Variants in HSPA4 observed in about 807,000 individuals in gnomAD.
HSPA4 encodes the protein heat shock 70 kDa protein 4.
Under a neutral mutation model 106.2 loss-of-function variants are expected in HSPA4, and 25 were observed. The observed-to-expected ratio is 0.24, with a 90% CI of 0.17 to 0.33. The LOEUF (loss-of-function observed/expected upper bound fraction) is 0.33, where lower values mean the gene tolerates loss of function less well. Among genes scored for constraint, HSPA4 ranks in the 10% least tolerant of loss-of-function variants. HSPA4 has a pLI of 1.00. For missense variants in HSPA4, 841 were observed against 996.0 expected (o/e 0.84, Z 2.10); for synonymous variants, 332 against 333.6 (o/e 1.00, Z 0.05).
At chr5:133,086,357 G>T (rs527382060) in intron 7 of HSPA4, among the ~76,000 whole-genome samples, 2 of 152,234 alleles carry the variant, frequency 1.3e-5, no homozygotes, top group Non-Finnish European at 2.9e-5. Context: ...TTTTGTTCTT[G>T]TTTGACTTTA....
In HSPA4 at chr5:133,081,251, T is replaced by TTGGCCATGC. The variant is rs1765511653; in HGVS notation, c.908+4357_908+4365dup. 3.3e-5 allele frequency among the ~76,000 whole-genome samples: 5 copies of TTGGCCATGC among 152,354 alleles called. No homozygotes were observed. The South Asian group carries it at 6.2e-4, about 19-fold the overall frequency. The stretch of plus-strand genomic sequence containing the variant: ...TTAGTAGAGATGGGGTTTCGCCATG[T>TTGGCCATGC]TGGCCATGCTGGTCTTGAACTGCTG... On this transcript the variant is annotated intron_variant, in intron 7 of 18. Coordinates refer to ENST00000304858, the MANE Select transcript of HSPA4 (RefSeq NM_002154.4).
intron 13 of HSPA4, among the ~76,000 whole-genome samples, chr5:133,095,486 G>T (rs1230887913): frequency 2.6e-5 from 4 of 152,144 alleles, no homozygotes; most frequent in African/African-American, 9.7e-5. Flanking sequence ...GATGTTAAAT[G>T]AATTCTCATT....
chr5:133,057,355 C>T (rs577006530), intron 1 of HSPA4, among the ~76,000 whole-genome samples: 16 of 148,924 alleles, frequency 1.1e-4, no homozygotes, highest in Admixed American at 2.7e-4. Flanking sequence ...AGTAGTTCTG[C>T]GTACCTTTTT....
intron 7 of HSPA4, among the ~76,000 whole-genome samples, chr5:133,080,299 C>T (rs777641837): frequency 2.0e-5 from 3 of 150,884 alleles, no homozygotes; most frequent in South Asian, 2.1e-4. Context: ...CTTGTAGTAC[C>T]GGCTACTCGG....
intron 8 of HSPA4, among the ~76,000 whole-genome samples, chr5:133,088,159 G>A (rs1297915891): frequency 6.6e-6 from 1 of 152,026 alleles, no homozygotes; most frequent in Non-Finnish European, 1.5e-5. Context: ...GTACATTTGA[G>A]GATTCCTGGC....
At chr5:133,064,876 TA>T in intron 1 of HSPA4, 103 bp from the exon 2 acceptor site, 1 of 987,226 alleles carries the variant, frequency 1.0e-6, no homozygotes, top group South Asian at 1.4e-5. Context: ...TTTGTACCAT[TA>T]AAATATATGG....
chr5:133,084,974 A>C (rs762152817), intron 7 of HSPA4, among the ~76,000 whole-genome samples: 7 of 151,284 alleles, frequency 4.6e-5, no homozygotes, highest in Admixed American at 3.3e-4. Context: ...TGCCTGGCTA[A>C]TTTCTTGTAT....
chr5:133,093,240 A>T (rs959126930), intron 13 of HSPA4, among the ~76,000 whole-genome samples: 1 of 151,844 alleles, frequency 6.6e-6, no homozygotes, highest in Admixed American at 6.6e-5. Context: ...TATTTGAACA[A>T]TTTTTTTAGG....
intron 1 of HSPA4, among the ~76,000 whole-genome samples, chr5:133,059,293 A>C (rs1469747429): frequency 2.1e-5 from 3 of 142,790 alleles, no homozygotes; most frequent in East Asian, 2.2e-4. Flanking sequence ...ACTAAAAATA[A>C]AAAAATTAGC....
chr5:133,053,601 C>T (rs1011799625), intron 1 of HSPA4, among the ~76,000 whole-genome samples: 4 of 152,100 alleles, frequency 2.6e-5, no homozygotes, highest in African/African-American at 7.2e-5. Context: ...CCTCCAGCCT[C>T]GGCCTTCTGG....
Position 133,103,723 on chromosome 5 carries a change from A to G in HSPA4, c.2158-142A>G, listed in dbSNP as rs1765818874. 6 of 663,432 alleles carry G rather than the reference A, an allele frequency of 9.0e-6. No individual in the cohort carries two copies. In the South Asian group the frequency reaches 1.4e-4, roughly 15 times the overall value. The allele number at this position is 663,432 out of a possible 1,614,324, so 41.1% of individuals were successfully genotyped here. Reference sequence around the variant, plus strand: ...ATTGTGGTTAGGTTTCTTTTGAATAATTCTGTTCAGATTGTGAGGCTAAAT... The same window carrying G: ...ATTGTGGTTAGGTTTCTTTTGAATAGTTCTGTTCAGATTGTGAGGCTAAAT... On this transcript the variant is annotated intron_variant, in intron 17 of 18. Transcript: ENST00000304858.
In HSPA4 at chr5:133,092,806, GTTTTTTTTTTTTTTTTTTTT is replaced by G; in HGVS notation, c.1650+30_1650+49del. 6.4e-6 allele frequency: 3 copies of G among 467,632 alleles called. No homozygotes were observed. The highest frequency in any genetic ancestry group is 6.2e-5 in the Admixed American group (1 of 16,102). The allele number at this position is 467,632 out of a possible 1,614,324, so 29.0% of individuals were successfully genotyped here. ...GAAATGGAGGTATGCATTGGGTGGTGTTTTTTTTTTTTTTTTTTTTTTTTTTTTTTTTGAGACAGAGTTTC... is the reference window on the plus strand; with the variant it reads ...GAAATGGAGGTATGCATTGGGTGGTGTTTTTTTTTTTTGAGACAGAGTTTC... On this transcript the variant is annotated intron_variant, in intron 13 of 18. Transcript: ENST00000304858.
intron 1 of HSPA4, among the ~76,000 whole-genome samples, chr5:133,053,291 A>G (rs982362903): frequency 1.0e-4 from 15 of 150,000 alleles, no homozygotes; most frequent in Admixed American, 9.3e-4. Context: ...AAATCTTGTA[A>G]GAAGTTCTGT....
At chr5:133,052,466 C>T (rs1343112031) in intron 1 of HSPA4, 109 bp downstream of exon 1, 1 of 740,834 alleles carries the variant, frequency 1.3e-6, no homozygotes, top group Non-Finnish European at 2.1e-6. Flanking sequence ...CGCCTCCGTT[C>T]CGAGCCGAGG....
intron 17 of HSPA4, among the ~76,000 whole-genome samples, chr5:133,102,227 G>A (rs975722610): frequency 3.9e-5 from 6 of 152,102 alleles, no homozygotes; most frequent in Non-Finnish European, 7.4e-5. Flanking sequence ...CACTGCTCCC[G>A]GCCGTAAAGT....
rs575586851 is a variant in HSPA4 at position 133,062,977 on chromosome 5, TACTC to T, written c.108-2002_108-1999del. ...GCAGTATGGTTCCAGAGCTCTTATT[TACTC>T]TGTTGACTTGGAAGAATTAGGAGTT... On this transcript the variant is annotated intron_variant, in intron 1 of 18. Transcript: ENST00000304858. Among the ~76,000 whole-genome samples the T allele has an allele frequency of 5.5e-3, 839 of 152,304 alleles. 10 individuals are homozygous for T. Among genetic ancestry groups the T allele is most frequent in the African/African-American group, 0.015 (606 of 41,558 alleles).
Position 133,070,466 on chromosome 5 carries a change from T to C in HSPA4, c.399T>C (p.Leu133=). The C allele has an allele frequency of 6.2e-7, 1 of 1,613,980 alleles. No homozygotes were observed. ...TGAAGGAGACAGCCGAAAGTGTTCTTAAGAAGCCTGTAGTTGACTGTGTTG... is the reference window on the plus strand; with the variant it reads ...TGAAGGAGACAGCCGAAAGTGTTCTCAAGAAGCCTGTAGTTGACTGTGTTG... ...SKLKETAESV[L]KKPVVDCVVS... is the part of the protein sequence containing the mutation. The change falls in exon 4 of 19, where the codon CTT becomes CTC. Residue 133 remains leucine (L), a synonymous_variant. Transcript: ENST00000304858.
intron 7 of HSPA4, among the ~76,000 whole-genome samples, chr5:133,081,805 CTG>C (rs1365406502): frequency 6.6e-6 from 1 of 152,158 alleles, no homozygotes; most frequent in Admixed American, 6.5e-5. Context: ...ATGGAGGCTT[CTG>C]TGAACCATGA....
rs749025524 is a variant in HSPA4 at position 133,089,701 on chromosome 5, TAA to T, written c.1378+8_1378+9del. Reference sequence around the variant, plus strand: ...CTATCCAGATCCTGCTATAGGTAAGTAAAGAGTTGGAAATTAAAAAAGAAAAA... The same window carrying T: ...CTATCCAGATCCTGCTATAGGTAAGTAGAGTTGGAAATTAAAAAAGAAAAA... On this transcript the variant is annotated splice_region_variant and intron_variant, in intron 11 of 18. Transcript: ENST00000304858. 107 of 1,498,260 alleles carry T rather than the reference TAA, an allele frequency of 7.1e-5. No homozygotes were observed. The South Asian group carries it at 1.4e-3, about 19-fold the overall frequency. 92.8% of individuals were successfully genotyped at this position (1,498,260 alleles called of 1,614,324 possible).
Sources: gnomAD v4.1 joint callset for allele counts (sites outside exome capture counted in the v4.1 genomes callset) on GRCh38, gnomAD v4.1.1 for gene constraint, MANE v1.5 for transcripts, NCBI Gene and HGNC (gene_info 2026-07-23, HGNC 2026-07-21) for gene names.